Variants in FAM83B observed in about 807,000 individuals in gnomAD.
The protein encoded by FAM83B is protein FAM83B.
In FAM83B, 26 loss-of-function variants were observed where a neutral mutation model predicts 38.8. The observed-to-expected ratio is 0.67, with a 90% CI of 0.49 to 0.93. FAM83B has a LOEUF of 0.93. Among genes scored for constraint, FAM83B ranks in the 40% least tolerant of loss-of-function variants. The pLI, the probability that FAM83B is intolerant of heterozygous loss-of-function variation, is 0.00. For missense variants in FAM83B, 1,237 were observed against 1,197.3 expected, an observed-to-expected ratio of 1.03 and a Z score of -0.49; for synonymous variants, 419 against 423.1, an observed-to-expected ratio of 0.99 and a Z score of 0.12.
chr6:54,939,636 T>A, intron 4 of FAM83B, 70 bp from the exon 5 acceptor site: 1 of 1,378,256 alleles, frequency 7.3e-7, no homozygotes, highest in Non-Finnish European at 9.7e-7. Context: ...TAAGTGATAC[T>A]TTTTTTAGTA....
chr6:54,926,123 G>T (rs1773281578), intron 2 of FAM83B, among the ~76,000 whole-genome samples: 1 of 152,106 alleles, frequency 6.6e-6, no homozygotes, highest in Admixed American at 6.5e-5. Flanking sequence ...AAATCCTACT[G>T]AAATGCAGAT....
chr6:54,921,793 A>G (rs931346323), intron 2 of FAM83B, among the ~76,000 whole-genome samples: 2 of 152,070 alleles, frequency 1.3e-5, no homozygotes, highest in African/African-American at 4.8e-5. Flanking sequence ...AACACAGTGT[A>G]ATTTTGATAA....
chr6:54,878,467 G>A (rs1772049526), intron 2 of FAM83B, among the ~76,000 whole-genome samples: 1 of 152,154 alleles, frequency 6.6e-6, no homozygotes, highest in African/African-American at 2.4e-5. Context: ...TTTAAATAGG[G>A]TGCTCGGAGT....
chr6:54,940,968 C>T lies in FAM83B; in HGVS notation c.1997C>T (p.Pro666Leu), dbSNP rs751680028. The change falls in exon 5 of 5, where the codon CCG becomes CTG. Residue 666 changes from proline (P) to leucine (L), a missense_variant. Pro to Leu is a moderately conservative substitution (Grantham distance 98). Coordinates refer to ENST00000306858, the MANE Select transcript of FAM83B (RefSeq NM_001010872.3). The stretch of plus-strand genomic sequence containing the variant: ...AATCTACTTAAAAGGCGAAGTTTCC[C>T]GTTATTTGACAACTCAAAAGCCAAC... ...TENLLKRRSFPLFDNSKANLD... is the reference protein window; with the variant it reads ...TENLLKRRSFLLFDNSKANLD... 1.4e-5 allele frequency: 22 copies of T among 1,613,654 alleles called. No individual in the cohort carries two copies. Among genetic ancestry groups the T allele is most frequent in the East Asian group, 4.5e-5 (2 of 44,880 alleles).
In FAM83B at chr6:54,943,038, G is replaced by A. The variant is rs1252831611; in HGVS notation, c.*1031G>A. ...CTGCCTCAGCCTCCTGAGTAGCTGG[G>A]ATTACAGGTGCGCACCACCACACCC... On this transcript the variant is annotated 3_prime_UTR_variant, in exon 5 of 5. Transcript: ENST00000306858. The A allele has an allele frequency of 6.6e-6, 1 of 152,030 alleles. No individual in the cohort carries two copies. The highest frequency in any genetic ancestry group is 1.5e-5 in the Non-Finnish European group (1 of 68,112). 9.4% of individuals were successfully genotyped at this position (152,030 alleles called of 1,614,324 possible).
At chr6:54,873,170 T>C (rs1771901807) in intron 2 of FAM83B, among the ~76,000 whole-genome samples, 1 of 152,038 alleles carries the variant, frequency 6.6e-6, no homozygotes, top group Admixed American at 6.6e-5. Context: ...GCTGTTATTT[T>C]TTAAGGTGTT....
chr6:54,882,968 G>A (rs1280810456), intron 2 of FAM83B, among the ~76,000 whole-genome samples: 2 of 151,968 alleles, frequency 1.3e-5, no homozygotes, highest in Non-Finnish European at 2.9e-5. Flanking sequence ...TTTTGAGATG[G>A]AGTCTCGCTC....
intron 2 of FAM83B, among the ~76,000 whole-genome samples, chr6:54,915,772 G>A (rs1342645705): frequency 1.6e-5 from 2 of 128,812 alleles, no homozygotes; most frequent in African/African-American, 3.3e-5. Context: ...CGCCACTGCA[G>A]TCCGCAGTCC....
intron 2 of FAM83B, among the ~76,000 whole-genome samples, chr6:54,895,384 G>A (rs778409314): frequency 6.6e-6 from 1 of 152,094 alleles, no homozygotes; most frequent in South Asian, 2.1e-4. Flanking sequence ...ACCTCCGTGG[G>A]ACTTGTACAT....
rs572782976 is a variant in FAM83B, at chr6:54,915,365, C to A, written c.445-11006C>A. 1.4e-4 allele frequency among the ~76,000 whole-genome samples: 22 copies of A among 152,266 alleles called. No homozygotes were observed. In the South Asian group the frequency reaches 4.4e-3, roughly 30 times the overall value. On this transcript the variant is annotated intron_variant, in intron 2 of 4. Transcript: ENST00000306858. ...TTTCTGTCTATCCTTTCTCTGTTGT[C>A]CGTTAGAAGCAATTAGCCAATGAGT...
At chr6:54,900,105 C>CATGTACATG (rs1772627815) in intron 2 of FAM83B, among the ~76,000 whole-genome samples, 1 of 152,154 alleles carries the variant, frequency 6.6e-6, no homozygotes, top group African/African-American at 2.4e-5. Flanking sequence ...TGCAAAATAT[C>CATGTACATG]ATGTACATGA....
chr6:54,853,296 T>A (rs1177476942), intron 1 of FAM83B, among the ~76,000 whole-genome samples: 1 of 152,088 alleles, frequency 6.6e-6, no homozygotes, highest in East Asian at 1.9e-4. Context: ...AGATAATTGA[T>A]GAACAAAGTG....
chr6:54,850,223 G>C (rs1229327215), intron 1 of FAM83B, among the ~76,000 whole-genome samples: 1 of 152,146 alleles, frequency 6.6e-6, no homozygotes, highest in Non-Finnish European at 1.5e-5. Context: ...TTGTGAAATT[G>C]AACATTAGCA....
intron 2 of FAM83B, among the ~76,000 whole-genome samples, chr6:54,918,840 T>TCCC (rs1773105100): frequency 6.6e-6 from 1 of 152,134 alleles, no homozygotes; most frequent in Non-Finnish European, 1.5e-5. Context: ...CATTGCCTCC[T>TCCC]CTCTGTCTTC....
At chr6:54,883,405 G>C (rs1772185135) in intron 2 of FAM83B, among the ~76,000 whole-genome samples, 1 of 145,832 alleles carries the variant, frequency 6.9e-6, no homozygotes, top group Non-Finnish European at 1.5e-5. Flanking sequence ...GGCAATCTTG[G>C]CTCAACGCAA....
intron 2 of FAM83B, among the ~76,000 whole-genome samples, chr6:54,908,893 A>G (rs930341974): frequency 2.6e-5 from 4 of 152,216 alleles, no homozygotes; most frequent in Non-Finnish European, 4.4e-5. Flanking sequence ...GGAGTCATAT[A>G]GTATAATAGT....
At chr6:54,931,794 A>G (rs1773424364) in intron 4 of FAM83B, among the ~76,000 whole-genome samples, 1 of 151,772 alleles carries the variant, frequency 6.6e-6, no homozygotes, top group African/African-American at 2.4e-5. Flanking sequence ...TAATTCATTT[A>G]CCTTTTAACC....
In FAM83B at chr6:54,941,889, G is replaced by A; in HGVS notation, c.2918G>A (p.Gly973Asp). ...TCTGCGACTATGGGCAACAGTTATG[G>A]CAGGTCTAGTCCATTGCTTAATTAC... Reference protein sequence around the residue: ...IKSATMGNSYGRSSPLLNYNT... With the variant: ...IKSATMGNSYDRSSPLLNYNT... Residue 973 changes from glycine to aspartate, a missense_variant, in exon 5 of 5, where the codon GGC becomes GAC. Transcript: ENST00000306858. 1 of 1,614,048 alleles carries A rather than the reference G, an allele frequency of 6.2e-7. No homozygotes were observed. The highest frequency in any genetic ancestry group is 1.3e-5 in the African/African-American group (1 of 75,036).
chr6:54,916,052 T>C (rs1773030710), intron 2 of FAM83B, among the ~76,000 whole-genome samples: 1 of 152,144 alleles, frequency 6.6e-6, no homozygotes, highest in South Asian at 2.1e-4. Flanking sequence ...TCTTTCTTAG[T>C]AGAATTCCAT....
Sources: allele counts gnomAD v4.1 joint callset (sites outside exome capture counted in the v4.1 genomes callset), GRCh38; gene constraint gnomAD v4.1.1; transcripts MANE v1.5; gene names NCBI Gene and HGNC (gene_info 2026-07-23, HGNC 2026-07-21).